TRPM4: variants seen among roughly 807,000 people sequenced by gnomAD.
TRPM4 encodes calcium-activated non-selective cation channel 1.
In TRPM4, 124 loss-of-function variants were observed where a neutral mutation model predicts 135.6. The ratio of observed to expected loss-of-function variants is 0.91; its 90% CI spans 0.79 to 1.06. The LOEUF (loss-of-function observed/expected upper bound fraction) is 1.06, where lower values mean the gene tolerates loss of function less well. Among genes scored for constraint, TRPM4 ranks in the 50% least tolerant of loss-of-function variants. TRPM4 has a pLI of 0.00. For missense variants in TRPM4, 1,658 were observed against 1,671.4 expected, an observed-to-expected ratio of 0.99 and a Z score of 0.14; for synonymous variants, 745 against 705.6, an observed-to-expected ratio of 1.06 and a Z score of -0.88.
Position 49,157,812 on chromosome 19 carries a change from G to A in TRPM4, c.-55G>A. The A allele has an allele frequency of 3.9e-6, 6 of 1,533,346 alleles. No homozygotes were observed. Among genetic ancestry groups the A allele is most frequent in the Non-Finnish European group, 5.2e-6 (6 of 1,145,748 alleles). 95.0% of individuals were successfully genotyped at this position (1,533,346 alleles called of 1,614,324 possible). Reference sequence around the variant, plus strand: ...TCTGGGCGGGTCTGGAAGCAGAGCCGGCGGAGGGAGCGCCGGGGCCCTGGG... The same window carrying A: ...TCTGGGCGGGTCTGGAAGCAGAGCCAGCGGAGGGAGCGCCGGGGCCCTGGG... On this transcript the variant is annotated 5_prime_UTR_variant, in exon 1 of 25. Transcript: ENST00000252826.
intron 9 of TRPM4, among the ~76,000 whole-genome samples, chr19:49,180,997 A>T (rs1455887413): frequency 1.3e-5 from 2 of 151,900 alleles, no homozygotes; most frequent in Non-Finnish European, 2.9e-5. Context: ...TGTTGGGGGG[A>T]CATATTTCCC....
intron 2 of TRPM4, among the ~76,000 whole-genome samples, chr19:49,164,374 T>TTTG (rs1967092336): frequency 1.2e-5 from 1 of 86,906 alleles, no homozygotes; most frequent in Non-Finnish European, 2.3e-5. Context: ...GTTTTTTTTT[T>TTTG]TTTTTTTTTT....
rs1227431533 is a variant in TRPM4, at chr19:49,181,328, C to T, written c.1151-21C>T. On this transcript the variant is annotated intron_variant, in intron 9 of 24. Coordinates refer to ENST00000252826, the MANE Select transcript of TRPM4 (RefSeq NM_017636.4). ...CCCTCCTCCCCTGACTTCTTGTCCC[C>T]TCTCCCTCTAATCCTTCCAGCCTGT... 1.9e-6 allele frequency: 3 copies of T among 1,581,162 alleles called. No homozygotes were observed. In the Admixed American group the frequency reaches 5.0e-5, roughly 26 times the overall value.
intron 20 of TRPM4, among the ~76,000 whole-genome samples, chr19:49,203,472 G>C (rs1017532886): frequency 9.2e-5 from 14 of 152,166 alleles, no homozygotes; most frequent in Non-Finnish European, 8.8e-5. Context: ...AGCCACCGCG[G>C]CCGGAGTTGA....
At chr19:49,191,184 T>G (rs1219380332) in intron 16 of TRPM4, among the ~76,000 whole-genome samples, 3 of 152,072 alleles carry the variant, frequency 2.0e-5, no homozygotes, top group African/African-American at 7.2e-5. Context: ...ACCTCCAACA[T>G]TAGGGATTAC....
intron 9 of TRPM4, among the ~76,000 whole-genome samples, chr19:49,179,053 C>T (rs1450684959): frequency 2.0e-5 from 3 of 149,460 alleles, no homozygotes; most frequent in Non-Finnish European, 4.4e-5. Context: ...CCACTGTGCC[C>T]GGCCTATTAT....
intron 12 of TRPM4, among the ~76,000 whole-genome samples, chr19:49,186,554 T>C (rs1968202735): frequency 6.6e-6 from 1 of 152,140 alleles, no homozygotes; most frequent in Non-Finnish European, 1.5e-5. Context: ...CTCAGATGGA[T>C]GTGGTTAATT....
chr19:49,158,621 T>TTCAG (rs199842592), intron 2 of TRPM4: 1 of 259,104 alleles, frequency 3.9e-6, no homozygotes, highest in South Asian at 4.9e-5. Flanking sequence ...CATTCATTCA[T>TTCAG]CCATCCATGC....
intron 1 of TRPM4, 108 bp from the exon 2 acceptor site, chr19:49,158,084 C>A: frequency 7.5e-7 from 1 of 1,326,598 alleles, no homozygotes; most frequent in Admixed American, 1.7e-5. Context: ...GGGGCCCGGA[C>A]TCCTGTGTCC....
rs760190293 is a variant in TRPM4 at position 49,211,042 on chromosome 19, A to G, written c.3489A>G (p.Gly1163=). Residue 1163 remains glycine (G), a synonymous_variant, in exon 23 of 25, where the codon GGA becomes GGG. Coordinates refer to ENST00000252826, the MANE Select transcript of TRPM4 (RefSeq NM_017636.4). The surrounding 1 kb of genome is among the most constrained non-coding windows in gnomAD (Gnocchi z 4.8). ...TGGACTTGGCACTGAAACAGCTGGG[A>G]CACATCCGCGAGTACGAACAGCGCC... ...QKVDLALKQL[G]HIREYEQRLK... 2.5e-6 allele frequency: 4 copies of G among 1,613,924 alleles called. No homozygotes were observed. The East Asian group carries it at 8.9e-5, about 36-fold the overall frequency.
intron 17 of TRPM4, among the ~76,000 whole-genome samples, chr19:49,197,310 TTCTTTC>T (rs1304111518): frequency 1.2e-4 from 7 of 57,442 alleles, no homozygotes; most frequent in African/African-American, 5.0e-4. Context: ...TTCTTTCTTT[TTCTTTC>T]TTTCTTTCTT....
In TRPM4 at chr19:49,211,467, T is replaced by A. The variant is rs1969367927; in HGVS notation, c.3641-27T>A. Reference sequence around the variant, plus strand: ...TCTCTCCCCTTCCCTGCCAATCACCTGCTCTCTCTTTTCTCTCTTCCCCCA... The same window carrying A: ...TCTCTCCCCTTCCCTGCCAATCACCAGCTCTCTCTTTTCTCTCTTCCCCCA... On this transcript the variant is annotated intron_variant, in intron 24 of 24. Coordinates refer to ENST00000252826, the MANE Select transcript of TRPM4 (RefSeq NM_017636.4). This position sits in a 1 kb window ranked among gnomAD's most constrained non-coding sequence, Gnocchi z 4.8. The A allele has an allele frequency of 6.2e-7, 1 of 1,613,888 alleles. No homozygotes were observed.
chr19:49,157,866 C>T lies in TRPM4; in HGVS notation c.-1C>T. 3 of 1,534,780 alleles carry T rather than the reference C, an allele frequency of 2.0e-6. No homozygotes were observed. Among genetic ancestry groups the T allele is most frequent in the South Asian group, 1.2e-5 (1 of 83,968 alleles). ...CAGGAGGTTGCGGCGGCCGCGGCAG[C>T]ATGGTGGTGCCGGAGAAGGAGCAGG... On this transcript the variant is annotated 5_prime_UTR_variant, in exon 1 of 25. Coordinates refer to ENST00000252826, the MANE Select transcript of TRPM4 (RefSeq NM_017636.4).
At chr19:49,207,666 C>T (rs951987275) in intron 20 of TRPM4, among the ~76,000 whole-genome samples, 3 of 140,290 alleles carry the variant, frequency 2.1e-5, no homozygotes, top group African/African-American at 5.6e-5. Context: ...AAAAGCCATG[C>T]ATGGTGGCTC....
chr19:49,196,740 G>T lies in TRPM4; in HGVS notation c.2511G>T (p.Gly837=). ...EELRQGLSGG[G]GSLASGGPGP... ...TGCGCCAGGGCCTGAGCGGAGGCGGGGGCAGCCTCGCCAGCGGGGGCCCCG... is the reference window on the plus strand; with the variant it reads ...TGCGCCAGGGCCTGAGCGGAGGCGGTGGCAGCCTCGCCAGCGGGGGCCCCG... The change falls in exon 17 of 25, where the codon GGG becomes GGT. Residue 837 remains glycine, a synonymous_variant. Coordinates refer to ENST00000252826, the MANE Select transcript of TRPM4 (RefSeq NM_017636.4). 6.5e-7 allele frequency: 1 copy of T among 1,549,860 alleles called. No individual in the cohort carries two copies. The highest frequency in any genetic ancestry group is 2.4e-5 in the East Asian group (1 of 41,718).
chr19:49,192,191 G>A (rs187276940), intron 16 of TRPM4, among the ~76,000 whole-genome samples: 1 of 152,268 alleles, frequency 6.6e-6, no homozygotes, highest in East Asian at 1.9e-4. Flanking sequence ...TCGCCAGGCA[G>A]GAGTGCGGTG....
chr19:49,182,414 A>ATCCATCTGTCCC, intron 10 of TRPM4, 164 bp from the exon 11 acceptor site: 1 of 675,196 alleles, frequency 1.5e-6, no homozygotes, highest in Non-Finnish European at 2.7e-6. Flanking sequence ...CCATCTGTCC[A>ATCCATCTGTCCC]TCCATCCATC....
In TRPM4 at chr19:49,168,323, G is replaced by A. The variant is rs1967311370; in HGVS notation, c.512G>A (p.Arg171Gln). Residue 171 changes from arginine to glutamine, a missense_variant, in exon 5 of 25, where the codon CGG becomes CAG. By Grantham distance (43) the Arg-to-Gln change is conservative. This residue lies in a region of TRPM4 where 7 missense variants were observed against 22.6 expected (regional missense o/e 0.31). Coordinates refer to ENST00000252826, the MANE Select transcript of TRPM4 (RefSeq NM_017636.4). ...GIGRHVGVAVRDHQMASTGGT... is the reference protein window; with the variant it reads ...GIGRHVGVAVQDHQMASTGGT... ...GGCCGGCATGTTGGTGTGGCTGTACGGGACCATCAGATGGCCAGCACTGGG... is the reference window on the plus strand; with the variant it reads ...GGCCGGCATGTTGGTGTGGCTGTACAGGACCATCAGATGGCCAGCACTGGG... 1 of 1,613,990 alleles carries A rather than the reference G, an allele frequency of 6.2e-7. No homozygotes were observed.
chr19:49,203,459 A>G (rs1247763713), intron 20 of TRPM4, among the ~76,000 whole-genome samples: 2 of 152,036 alleles, frequency 1.3e-5, no homozygotes, highest in Admixed American at 1.3e-4. Context: ...GATTACTGAC[A>G]TGAGCCACCG....
Sources: allele counts gnomAD v4.1 joint callset (sites outside exome capture counted in the v4.1 genomes callset), GRCh38; gene constraint gnomAD v4.1.1; regional missense constraint gnomAD v4.1.1; non-coding constraint Gnocchi (gnomAD v3.1); transcripts MANE v1.5; gene names NCBI Gene and HGNC (gene_info 2026-07-23, HGNC 2026-07-21).